Variants in NAV1 observed in about 807,000 individuals in gnomAD.
The protein encoded by NAV1 is pore membrane and/or filament interacting like protein 3.
NAV1 carries 18 observed loss-of-function variants against 175.2 expected under a neutral mutation model. The ratio of observed to expected loss-of-function variants is 0.10; its 90% CI spans 0.07 to 0.15. NAV1 has a LOEUF of 0.15. NAV1 is among the 10% of genes least tolerant of loss of function. The probability of loss-of-function intolerance (pLI) is 1.00; values close to 1 mark genes in which losing one functional copy is unlikely to be tolerated. For missense variants in NAV1, 1,731 were observed against 2,436.6 expected (o/e 0.71, Z 6.10); for synonymous variants, 897 against 978.7 (o/e 0.92, Z 1.56).
chr1:201,654,757 C>T (rs145448217), intron 1 of NAV1, among the ~76,000 whole-genome samples: 243 of 152,268 alleles, frequency 1.6e-3, no homozygotes, highest in African/African-American at 5.5e-3. Flanking sequence ...TCTAGTTGAG[C>T]CACTACCTCA....
At chr1:201,547,307 A>C (rs1040589676) in intron 1 of NAV1, among the ~76,000 whole-genome samples, 5 of 152,292 alleles carry the variant, frequency 3.3e-5, no homozygotes, top group Admixed American at 3.3e-4. Context: ...ACATACTTCT[A>C]TGAAGCTACA....
At position 201,734,501 on chromosome 1, in the gene NAV1, GAA is replaced by G. The variant is rs1491044890; in HGVS notation, c.1226+15747_1226+15748del. On this transcript the variant is annotated intron_variant, in intron 3 of 29. Transcript: ENST00000367296. ...GGAGGAGGAGGAAGAAGGAGAAGGA[GAA>G]GAAGAAGAAGAAGAAGAAGAAGAAG... 1.7e-4 allele frequency among the ~76,000 whole-genome samples: 20 copies of G among 121,206 alleles called. No individual in the cohort carries two copies. The East Asian group carries it at 4.2e-3, about 25-fold the overall frequency. The allele number at this position is 121,206 out of a possible 152,430, so 79.5% of individuals were successfully genotyped here. A position where few individuals can be genotyped will look rare whatever the true frequency, so the allele number is the denominator to read the frequency against.
At chr1:201,564,630 T>C (rs1666301140) in intron 1 of NAV1, among the ~76,000 whole-genome samples, 1 of 152,120 alleles carries the variant, frequency 6.6e-6, no homozygotes. Context: ...CTCAAATAAA[T>C]AAATAAATAG....
chr1:201,628,983 C>G (rs770420412), intron 1 of NAV1, among the ~76,000 whole-genome samples: 49 of 152,218 alleles, frequency 3.2e-4, no homozygotes, highest in Non-Finnish European at 1.8e-4. Flanking sequence ...GTGACTTCAG[C>G]TTCAGAGGGA....
At chr1:201,715,898 G>A (rs1204607167) in intron 2 of NAV1, among the ~76,000 whole-genome samples, 2 of 152,154 alleles carry the variant, frequency 1.3e-5, no homozygotes, top group African/African-American at 4.8e-5. Flanking sequence ...CCTCCCCAGA[G>A]AAAGGCAAGC....
At position 201,740,130 on chromosome 1, in the gene NAV1, G is replaced by A. The variant is rs892061210; in HGVS notation, c.1226+21375G>A. 1.4e-6 allele frequency: 2 copies of A among 1,383,858 alleles called. No individual in the cohort carries two copies. The highest frequency in any genetic ancestry group is 3.0e-5 in the African/African-American group (2 of 66,438). The allele number at this position is 1,383,858 out of a possible 1,614,324, so 85.7% of individuals were successfully genotyped here. A position where few individuals can be genotyped will look rare whatever the true frequency, so the allele number is the denominator to read the frequency against. On this transcript the variant is annotated intron_variant, in intron 3 of 29. Transcript: ENST00000367296. This position sits in a 1 kb window ranked among gnomAD's most constrained non-coding sequence, Gnocchi z 4.7. ...CGCCAGACCGCAGAGCTGGGGTCGG[G>A]TTTGTGGCACCCCCAGCCCCGCCGC...
At chr1:201,744,116 C>T (rs533294248) in intron 3 of NAV1, among the ~76,000 whole-genome samples, 101 of 152,254 alleles carry the variant, frequency 6.6e-4, no homozygotes, top group African/African-American at 2.3e-3. Flanking sequence ...CTTCTGACCT[C>T]AGGTGATCCA....
At chr1:201,781,152 G>A in exon 5 of NAV1, 3 of 1,614,170 alleles carry the variant, frequency 1.9e-6, no homozygotes, top group Non-Finnish European at 2.5e-6. Flanking sequence ...AGTGGCGGAG[G>A]GAGCGGCCTG....
intron 1 of NAV1, among the ~76,000 whole-genome samples, chr1:201,683,938 A>G (rs1428971346): frequency 6.6e-6 from 1 of 152,106 alleles, no homozygotes; most frequent in African/African-American, 2.4e-5. Context: ...CCATTCATTC[A>G]TCATTCATTC....
At chr1:201,692,584 C>T (rs531780606) in intron 1 of NAV1, among the ~76,000 whole-genome samples, 2 of 152,178 alleles carry the variant, frequency 1.3e-5, no homozygotes, top group Admixed American at 1.3e-4. Context: ...TCTGGGGAGC[C>T]ATTTCCCCCT....
At chr1:201,748,579 T>C (rs566174929) in intron 3 of NAV1, among the ~76,000 whole-genome samples, 1 of 152,300 alleles carries the variant, frequency 6.6e-6, no homozygotes, top group East Asian at 1.9e-4. Context: ...GAGGAAATCA[T>C]TGCTTACTCA....
intron 1 of NAV1, among the ~76,000 whole-genome samples, chr1:201,582,037 A>G (rs1353814567): frequency 6.6e-6 from 1 of 152,200 alleles, no homozygotes; most frequent in Non-Finnish European, 1.5e-5. Flanking sequence ...CGGAGCTTGC[A>G]GTGAGCTGAG....
chr1:201,597,746 C>T (rs1213113851), intron 2 of NAV1, among the ~76,000 whole-genome samples: 3 of 152,244 alleles, frequency 2.0e-5, no homozygotes, highest in Non-Finnish European at 2.9e-5. Flanking sequence ...CTTCCTGTTC[C>T]GCGGGGAAGA....
chr1:201,703,833 G>A (rs559113078), intron 1 of NAV1, among the ~76,000 whole-genome samples: 1 of 152,292 alleles, frequency 6.6e-6, no homozygotes, highest in African/African-American at 2.4e-5. Flanking sequence ...CCCCAGAAAG[G>A]GTCAGCCTGG....
At chr1:201,612,882 G>C (rs1667895854) in intron 2 of NAV1, among the ~76,000 whole-genome samples, 1 of 152,082 alleles carries the variant, frequency 6.6e-6, no homozygotes, top group Non-Finnish European at 1.5e-5. Context: ...TGTGTATGGT[G>C]TTGGTCTGAG....
chr1:201,688,054 A>G (rs1670751248), intron 1 of NAV1, among the ~76,000 whole-genome samples: 1 of 152,264 alleles, frequency 6.6e-6, no homozygotes. Flanking sequence ...ACTTGGTTGT[A>G]AGTTTTATTT....
intron 2 of NAV1, among the ~76,000 whole-genome samples, chr1:201,713,391 C>T (rs1190668841): frequency 6.6e-6 from 1 of 152,184 alleles, no homozygotes; most frequent in Non-Finnish European, 1.5e-5. Flanking sequence ...GCCTCTTCTA[C>T]GAGCCACTGA....
chr1:201,812,387 G>T lies in NAV1; in HGVS notation c.5025-78G>T. On this transcript the variant is annotated intron_variant, in intron 26 of 29. Transcript: ENST00000367296. The surrounding 1 kb of genome is among the most constrained non-coding windows in gnomAD (Gnocchi z 4.6). The stretch of plus-strand genomic sequence containing the variant: ...ATTAGTGAGAAGCAGGCAGAAGGAG[G>T]GACAGACTGGCAGGGGCTGAACCCT... 2 of 1,415,336 alleles carry T rather than the reference G, an allele frequency of 1.4e-6. No homozygotes were observed. Among genetic ancestry groups the T allele is most frequent in the Non-Finnish European group, 2.0e-6 (2 of 1,014,682 alleles). 87.7% of individuals were successfully genotyped at this position (1,415,336 alleles called of 1,614,324 possible). A position where few individuals can be genotyped will look rare whatever the true frequency, so the allele number is the denominator to read the frequency against.
chr1:201,806,618 G>A (rs4379719), intron 17 of NAV1, among the ~76,000 whole-genome samples: 69,574 of 151,978 alleles, frequency 0.46, 16,380 homozygotes, highest in East Asian at 0.57. Flanking sequence ...CTAGTCCTAA[G>A]TCTTACGTCA....
Sources: allele counts gnomAD v4.1 joint callset (sites outside exome capture counted in the v4.1 genomes callset), GRCh38; gene constraint gnomAD v4.1.1; non-coding constraint Gnocchi (gnomAD v3.1); transcripts MANE v1.5; gene names NCBI Gene and HGNC (gene_info 2026-07-23, HGNC 2026-07-21).